Variants in UBE2G1 observed in about 807,000 individuals in gnomAD.
The protein encoded by UBE2G1 is ubiquitin conjugating enzyme E2 G1.
Under a neutral mutation model 22.7 loss-of-function variants are expected in UBE2G1, and 5 were observed. The observed-to-expected ratio is 0.22, with a 90% confidence interval of 0.12 to 0.46. The LOEUF (loss-of-function observed/expected upper bound fraction) is 0.46, where lower values mean the gene tolerates loss of function less well. UBE2G1 is among the 20% of genes least tolerant of loss of function. UBE2G1 has a pLI of 0.99. For synonymous variants in UBE2G1, 74 were observed against 67.5 expected, an observed-to-expected ratio of 1.10 and a Z score of -0.47; for missense variants, 88 against 203.9, an observed-to-expected ratio of 0.43 and a Z score of 3.46.
intron 2 of UBE2G1, chr17:4,302,048 G>T: frequency 2.0e-6 from 1 of 490,784 alleles, no homozygotes. Context: ...AACAAAAAAA[G>T]GGGGGGGAAG....
At chr17:4,296,364 G>A (rs1394460007) in intron 3 of UBE2G1, among the ~76,000 whole-genome samples, 2 of 152,152 alleles carry the variant, frequency 1.3e-5, no homozygotes, top group African/African-American at 4.8e-5. Flanking sequence ...CCGGGTTCAA[G>A]CGATTCTTGT....
At chr17:4,358,067 T>G (rs951685373) in intron 1 of UBE2G1, among the ~76,000 whole-genome samples, 1 of 152,154 alleles carries the variant, frequency 6.6e-6, no homozygotes, top group Non-Finnish European at 1.5e-5. Context: ...CCACCAGCAA[T>G]GTATAAAAGT....
intron 1 of UBE2G1, among the ~76,000 whole-genome samples, chr17:4,325,877 C>G (rs1046967322): frequency 1.3e-5 from 2 of 152,114 alleles, no homozygotes; most frequent in Non-Finnish European, 2.9e-5. Flanking sequence ...GAAAGAAAAT[C>G]TTTCAATAAA....
At chr17:4,355,615 C>A (rs1322144498) in intron 1 of UBE2G1, among the ~76,000 whole-genome samples, 1 of 145,024 alleles carries the variant, frequency 6.9e-6, no homozygotes, top group Non-Finnish European at 1.5e-5. Context: ...ACACTCCAGC[C>A]TGGGCAACAA....
rs56962666 is a variant in UBE2G1, at chr17:4,329,109, GAAAA to G, written c.47-21990_47-21987del. The stretch of plus-strand genomic sequence containing the variant: ...ACAGAGAGAGACTCCGTCTCAAAAA[GAAAA>G]AAAAAAAAAAAAAAAAAAGACACTT... On this transcript the variant is annotated intron_variant, in intron 1 of 5. Coordinates refer to ENST00000396981, the MANE Select transcript of UBE2G1 (RefSeq NM_003342.5). Among the ~76,000 whole-genome samples the G allele has an allele frequency of 7.7e-3, 710 of 91,738 alleles. 5 individuals carry two copies. The highest frequency in any genetic ancestry group is 0.028 in the African/African-American group (680 of 24,518). The allele number at this position is 91,738 out of a possible 152,430, so 60.2% of individuals were successfully genotyped here.
intron 1 of UBE2G1, among the ~76,000 whole-genome samples, chr17:4,351,976 G>A (rs991543595): frequency 4.6e-5 from 7 of 152,130 alleles, no homozygotes; most frequent in South Asian, 2.1e-4. Flanking sequence ...TATAAAATGC[G>A]GTGGTCTTGG....
chr17:4,324,194 CT>C (rs1200162599), intron 1 of UBE2G1, among the ~76,000 whole-genome samples: 1 of 152,174 alleles, frequency 6.6e-6, no homozygotes, highest in Admixed American at 6.5e-5. Context: ...ACTCTTGCCC[CT>C]CCCCCAAAAT....
chr17:4,274,126 A>G (rs979533710), intron 5 of UBE2G1, among the ~76,000 whole-genome samples: 51 of 138,620 alleles, frequency 3.7e-4, no homozygotes, highest in Admixed American at 1.6e-3. Flanking sequence ...ATCTACAGGC[A>G]CCCGCCACCA....
chr17:4,350,375 C>G (rs1364440689), intron 1 of UBE2G1, among the ~76,000 whole-genome samples: 1 of 152,062 alleles, frequency 6.6e-6, no homozygotes, highest in Non-Finnish European at 1.5e-5. Flanking sequence ...GGGAGAATTG[C>G]TTGAACCTGG....
intron 1 of UBE2G1, among the ~76,000 whole-genome samples, chr17:4,347,469 C>CTTTTTTTTTTTTTTT (rs34014821): frequency 6.7e-5 from 6 of 89,530 alleles, no homozygotes; most frequent in Non-Finnish European, 6.1e-5. Context: ...AGTATTTCTT[C>CTTTTTTTTTTTTTTT]TTTTTTTTTT....
intron 1 of UBE2G1, among the ~76,000 whole-genome samples, chr17:4,321,667 AT>A (rs1969440145): frequency 6.6e-6 from 1 of 151,556 alleles, no homozygotes; most frequent in Admixed American, 6.6e-5. Flanking sequence ...TTTTTTTTGT[AT>A]TTTTGGTAGA....
intron 1 of UBE2G1, among the ~76,000 whole-genome samples, chr17:4,337,730 G>A (rs1969666130): frequency 6.6e-6 from 1 of 151,678 alleles, no homozygotes. Flanking sequence ...ATACTCAGAG[G>A]AAGAGAGCCA....
rs1033668309 is a variant in UBE2G1 at position 4,270,972 on chromosome 17, G to T, written c.*1582C>A. The T allele has an allele frequency of 6.6e-6, 1 of 152,172 alleles. No individual in the cohort carries two copies. Among genetic ancestry groups the T allele is most frequent in the African/African-American group, 2.4e-5 (1 of 41,446 alleles). 9.4% of individuals were successfully genotyped at this position (152,172 alleles called of 1,614,324 possible). A position where few individuals can be genotyped will look rare whatever the true frequency, so the allele number is the denominator to read the frequency against. The stretch of plus-strand genomic sequence containing the variant: ...GAGCAGAGATGCACGAATTCTCACT[G>T]ATTCTCACAATCAAACACCATGTCC... On this transcript the variant is annotated 3_prime_UTR_variant, in exon 6 of 6. Coordinates refer to ENST00000396981, the MANE Select transcript of UBE2G1 (RefSeq NM_003342.5).
chr17:4,295,295 T>G (rs1969097003), intron 3 of UBE2G1, among the ~76,000 whole-genome samples: 1 of 152,186 alleles, frequency 6.6e-6, no homozygotes, highest in African/African-American at 2.4e-5. Flanking sequence ...CTGTTAGAGA[T>G]ATTTTCCTCT....
intron 2 of UBE2G1, chr17:4,301,817 C>A: frequency 1.8e-6 from 1 of 546,690 alleles, no homozygotes; most frequent in Non-Finnish European, 3.6e-6. Context: ...TGGACTCCAA[C>A]AATTTAGCAT....
At chr17:4,331,425 C>T (rs937311303) in intron 1 of UBE2G1, among the ~76,000 whole-genome samples, 1 of 152,118 alleles carries the variant, frequency 6.6e-6, no homozygotes, top group Non-Finnish European at 1.5e-5. Context: ...ATTTAAAATA[C>T]TTTACAAGAA....
intron 1 of UBE2G1, among the ~76,000 whole-genome samples, chr17:4,318,714 C>T (rs1182063091): frequency 2.6e-5 from 4 of 152,204 alleles, no homozygotes; most frequent in Non-Finnish European, 5.9e-5. Context: ...CTCGAATACA[C>T]CAGTGGTTCT....
rs546835990 is a variant in UBE2G1, at chr17:4,330,229, A to T, written c.47-23106T>A. On this transcript the variant is annotated intron_variant, in intron 1 of 5. Coordinates refer to ENST00000396981, the MANE Select transcript of UBE2G1 (RefSeq NM_003342.5). ...GGGGACAGCAACAATCGAAAATCTAAATGATCCACAGATTTTTAACACAAG... is the reference window on the plus strand; with the variant it reads ...GGGGACAGCAACAATCGAAAATCTATATGATCCACAGATTTTTAACACAAG... Among the ~76,000 whole-genome samples the T allele has an allele frequency of 2.0e-5, 3 of 152,224 alleles. No homozygotes were observed. The South Asian group carries it at 6.2e-4, about 32-fold the overall frequency.
In UBE2G1 at chr17:4,296,793, A is replaced by G. The variant is rs1969118010; in HGVS notation, c.171T>C (p.Ala57=). 2 of 1,613,812 alleles carry G rather than the reference A, an allele frequency of 1.2e-6. No homozygotes were observed. The highest frequency in any genetic ancestry group is 1.7e-6 in the Non-Finnish European group (2 of 1,179,878). ...DTLYEGGVFK[A]HLTFPKDYPL... is the part of the protein sequence containing the mutation. ...GATAATCTTTTGGGAAAGTAAGATGAGCCTTAAAAACACCACCTTCACTGG... is the reference window on the plus strand; with the variant it reads ...GATAATCTTTTGGGAAAGTAAGATGGGCCTTAAAAACACCACCTTCACTGG... Residue 57 remains alanine, a synonymous_variant, in exon 3 of 6, where the codon GCT becomes GCC. Transcript: ENST00000396981.
Sources: allele counts gnomAD v4.1 joint callset (sites outside exome capture counted in the v4.1 genomes callset), GRCh38; gene constraint gnomAD v4.1.1; transcripts MANE v1.5; gene names NCBI Gene and HGNC (gene_info 2026-07-23, HGNC 2026-07-21).